ALG8: variants seen among roughly 807,000 people sequenced by gnomAD.
ALG8 encodes dolichyl pyrophosphate Glc1Man9GlcNAc2 alpha-1,3-glucosyltransferase.
A neutral mutation model predicts 70.2 loss-of-function variants in ALG8; 48 were observed. The ratio of observed to expected loss-of-function variants is 0.68; its 90% CI spans 0.54 to 0.87. ALG8 has a LOEUF of 0.87. Among genes scored for constraint, ALG8 ranks in the 40% least tolerant of loss-of-function variants. ALG8 has a pLI of 0.00. For synonymous variants in ALG8, 234 were observed against 229.0 expected, an observed-to-expected ratio of 1.02 and a Z score of -0.20; for missense variants, 572 against 608.7, an observed-to-expected ratio of 0.94 and a Z score of 0.64.
Position 78,127,965 on chromosome 11 carries a change from GTGCTGGGA to G in ALG8, c.96-537_96-530del. On this transcript the variant is annotated intron_variant, in intron 1 of 12. Transcript: ENST00000299626. ...GATCCACCTGCCTCAGTCTCCCAAAGTGCTGGGATTACAGGCGTGAGCCACCACGCCCG... is the reference window on the plus strand; with the variant it reads ...GATCCACCTGCCTCAGTCTCCCAAAGTTACAGGCGTGAGCCACCACGCCCG... Among the ~76,000 whole-genome samples, 3 of 152,292 alleles carry G rather than the reference GTGCTGGGA, an allele frequency of 2.0e-5. No homozygotes were observed. In the South Asian group the frequency reaches 6.2e-4, roughly 32 times the overall value.
chr11:78,108,280 AAAAAAC>A (rs895083914), intron 9 of ALG8, among the ~76,000 whole-genome samples: 1 of 152,058 alleles, frequency 6.6e-6, no homozygotes, highest in East Asian at 1.9e-4. Flanking sequence ...CTCCCGTCTC[AAAAAAC>A]AAAAACAAAA....
intron 5 of ALG8, among the ~76,000 whole-genome samples, chr11:78,117,690 A>ATTGC (rs889361821): frequency 6.6e-6 from 1 of 151,656 alleles, no homozygotes; most frequent in Non-Finnish European, 1.5e-5. Flanking sequence ...AGGTGAGAGA[A>ATTGC]TTGCTTGAGC....
At chr11:78,124,966 A>G (rs1242559805) in intron 2 of ALG8, among the ~76,000 whole-genome samples, 1 of 152,166 alleles carries the variant, frequency 6.6e-6, no homozygotes, top group African/African-American at 2.4e-5. Context: ...GTAAATGAAA[A>G]CAGAAATCAT....
intron 2 of ALG8, 107 bp from the exon 3 acceptor site, chr11:78,124,321 G>A: frequency 4.3e-6 from 5 of 1,159,784 alleles, no homozygotes; most frequent in East Asian, 2.4e-5. Flanking sequence ...AGCACAATAA[G>A]GCTGGGCGTG....
intron 12 of ALG8, chr11:78,103,467 A>C (rs1017582242): frequency 6.7e-6 from 1 of 149,562 alleles, no homozygotes; most frequent in Non-Finnish European, 1.5e-5. Context: ...TCCGTCTCCA[A>C]AAAAAAAAAA....
chr11:78,101,598 G>A (rs773960202), intron 12 of ALG8, among the ~76,000 whole-genome samples: 40 of 151,984 alleles, frequency 2.6e-4, no homozygotes, highest in Non-Finnish European at 5.1e-4. Flanking sequence ...TAGCCTGGGC[G>A]ACAGAGTGAG....
intron 6 of ALG8, 43 bp from the exon 7 acceptor site, chr11:78,114,032 G>A: frequency 6.6e-7 from 1 of 1,519,334 alleles, no homozygotes; most frequent in Non-Finnish European, 9.0e-7. Context: ...AGATGGAAAG[G>A]AACATTAACC....
intron 1 of ALG8, among the ~76,000 whole-genome samples, chr11:78,129,968 G>C (rs1440085436): frequency 6.6e-6 from 1 of 152,024 alleles, no homozygotes; most frequent in Non-Finnish European, 1.5e-5. Flanking sequence ...AGAATAGATT[G>C]TATGATTACA....
intron 3 of ALG8, among the ~76,000 whole-genome samples, chr11:78,122,090 G>A (rs1860845584): frequency 2.0e-5 from 3 of 152,062 alleles, no homozygotes; most frequent in Non-Finnish European, 2.9e-5. Context: ...TTTACAATGG[G>A]GATGTATTAT....
intron 2 of ALG8, 106 bp from the exon 3 acceptor site, chr11:78,124,320 A>C (rs902475085): frequency 6.7e-6 from 8 of 1,195,180 alleles, no homozygotes; most frequent in Non-Finnish European, 9.8e-6. Flanking sequence ...CAGCACAATA[A>C]GGCTGGGCGT....
chr11:78,138,963 G>T, intron 1 of ALG8: 1 of 352,336 alleles, frequency 2.8e-6, no homozygotes, highest in Non-Finnish European at 5.6e-6. Flanking sequence ...TGCCTGAACT[G>T]CTTTCCACAT....
intron 9 of ALG8, among the ~76,000 whole-genome samples, chr11:78,108,260 C>T (rs1305919866): frequency 2.0e-5 from 3 of 151,792 alleles, no homozygotes; most frequent in South Asian, 2.1e-4. Flanking sequence ...AGCCTGGCAA[C>T]AGAACAAGAC....
Position 78,139,492 on chromosome 11 carries a change from A to G in ALG8, c.95+2T>C. The G allele has an allele frequency of 6.4e-6, 10 of 1,556,492 alleles. No homozygotes were observed. The highest frequency in any genetic ancestry group is 8.7e-6 in the Non-Finnish European group (10 of 1,149,506). On this transcript the variant is annotated splice_donor_variant, in intron 1 of 12. Coordinates refer to ENST00000299626, the MANE Select transcript of ALG8 (RefSeq NM_024079.5). LOFTEE classifies it high-confidence loss of function. ...CAGCCCCTGGCCGTGCGAGTCCCTT[A>G]CTATGTGGGGATGAGAAGGCATTTG...
At chr11:78,104,913 G>A (rs948436668) in intron 10 of ALG8, among the ~76,000 whole-genome samples, 15 of 151,162 alleles carry the variant, frequency 9.9e-5, no homozygotes, top group South Asian at 4.2e-4. Context: ...GCAGTGAGCC[G>A]AGATCGCGCC....
chr11:78,136,430 G>A (rs650348), intron 1 of ALG8, among the ~76,000 whole-genome samples: 23,689 of 152,010 alleles, frequency 0.16, 1,986 homozygotes, highest in East Asian at 0.28. Context: ...CCAGCTATTC[G>A]GGAGGCTGAG....
intron 11 of ALG8, 95 bp downstream of exon 11, chr11:78,104,261 A>AT: frequency 8.3e-7 from 1 of 1,201,254 alleles, no homozygotes; most frequent in Middle Eastern, 2.0e-4. Flanking sequence ...TATCCAAGAG[A>AT]TTTTAGAGTT....
intron 1 of ALG8, among the ~76,000 whole-genome samples, chr11:78,134,979 C>G (rs1861479376): frequency 6.6e-6 from 1 of 152,222 alleles, no homozygotes; most frequent in Admixed American, 6.5e-5. Context: ...TTTCAATTTA[C>G]TTTGCCCAGA....
At chr11:78,113,526 A>T (rs946973241) in intron 7 of ALG8, among the ~76,000 whole-genome samples, 1 of 152,086 alleles carries the variant, frequency 6.6e-6, no homozygotes, top group Non-Finnish European at 1.5e-5. Context: ...CAGCCTGACC[A>T]ACATGTTGAA....
intron 1 of ALG8, among the ~76,000 whole-genome samples, chr11:78,129,083 C>A (rs1861196901): frequency 6.6e-6 from 1 of 152,046 alleles, no homozygotes; most frequent in Admixed American, 6.6e-5. Flanking sequence ...GTATACCCAA[C>A]AGAAATGCAT....
Sources: allele counts gnomAD v4.1 joint callset (sites outside exome capture counted in the v4.1 genomes callset), GRCh38; gene constraint gnomAD v4.1.1; transcripts MANE v1.5; gene names NCBI Gene and HGNC (gene_info 2026-07-23, HGNC 2026-07-21).